The following ESPL1 variants were observed in gnomAD, a reference collection of about 807,000 sequenced individuals.
ESPL1 encodes the protein extra spindle pole bodies like 1, separase.
Under a neutral mutation model 217.2 loss-of-function variants are expected in ESPL1, and 50 were observed. The observed-to-expected ratio is 0.23, with a 90% CI of 0.18 to 0.29. The LOEUF is 0.29. ESPL1 is among the 10% of genes least tolerant of loss of function. The pLI is 1.00. For missense variants in ESPL1, 1,834 were observed against 2,603.0 expected (o/e 0.70, Z 6.43); for synonymous variants, 994 against 1,081.3 (o/e 0.92, Z 1.58).
intron 6 of ESPL1, 121 bp from the exon 7 acceptor site, chr12:53,274,696 A>T (rs1592480454): frequency 2.7e-6 from 2 of 737,362 alleles, no homozygotes; most frequent in East Asian, 2.7e-5. Flanking sequence ...GTGGCTCAGG[A>T]GGCCCACCTG....
chr12:53,269,731 C>T lies in ESPL1; in HGVS notation c.789C>T (p.Cys263=). Residue 263 remains cysteine, a synonymous_variant, in exon 3 of 31, where the codon TGC becomes TGT. Transcript: ENST00000257934. This position sits in a 1 kb window ranked among gnomAD's most constrained non-coding sequence, Gnocchi z 6.7. The part of the protein sequence containing the change: ...ELTLEHCRRF[C]WSRHHDKAIS... Reference sequence around the variant, plus strand: ...CCTTGGAACACTGCCGTCGCTTTTGCTGGAGCCGCCACCATGACAAAGCCA... The same window carrying T: ...CCTTGGAACACTGCCGTCGCTTTTGTTGGAGCCGCCACCATGACAAAGCCA... 6.2e-7 allele frequency: 1 copy of T among 1,614,178 alleles called. No individual in the cohort carries two copies. Among genetic ancestry groups the T allele is most frequent in the East Asian group, 2.2e-5 (1 of 44,876 alleles).
At chr12:53,275,565 C>G (rs1431953839) in intron 7 of ESPL1, among the ~76,000 whole-genome samples, 1 of 152,164 alleles carries the variant, frequency 6.6e-6, no homozygotes, top group Non-Finnish European at 1.5e-5. Context: ...CTGAAAAATA[C>G]TAATTCCTTC....
intron 1 of ESPL1, 96 bp downstream of exon 1, chr12:53,268,473 G>T (rs915185843): frequency 3.3e-5 from 13 of 398,188 alleles, no homozygotes; most frequent in South Asian, 1.7e-4. Context: ...CTCCTGGAGG[G>T]AGTGTCGGGA....
chr12:53,274,620 T>C (rs773694091), intron 6 of ESPL1, among the ~76,000 whole-genome samples, 197 bp from the exon 7 acceptor site: 2 of 152,086 alleles, frequency 1.3e-5, no homozygotes, highest in Non-Finnish European at 2.9e-5. Flanking sequence ...GTGGAGTGGA[T>C]TGCAGCCTCT....
chr12:53,270,472 A>G lies in ESPL1; in HGVS notation c.1238A>G (p.Gln413Arg), dbSNP rs554204189. ...LYTVVVYDFA[Q>R]GCQIVDLADL... The stretch of plus-strand genomic sequence containing the variant: ...ACTGTGGTGGTTTATGACTTTGCCC[A>G]AGGCTGTCAGGTACTGTCTGGGAAT... The change falls in exon 4 of 31, where the codon CAA becomes CGA. Residue 413 changes from glutamine (Q) to arginine (R), a missense_variant. Transcript: ENST00000257934. The G allele has an allele frequency of 1.2e-6, 2 of 1,612,714 alleles. No individual in the cohort carries two copies. The highest frequency in any genetic ancestry group is 1.3e-5 in the African/African-American group (1 of 74,886).
In ESPL1 at chr12:53,292,128, T is replaced by C; in HGVS notation, c.5796+40T>C. The stretch of plus-strand genomic sequence containing the variant: ...GTAGTGTCTGGGGATGACTGGCGAC[T>C]GGGGAAGACGTCAACAAAGAAGGGC... On this transcript the variant is annotated intron_variant, in intron 27 of 30. Transcript: ENST00000257934. This position sits in a 1 kb window ranked among gnomAD's most constrained non-coding sequence, Gnocchi z 4.5. 1 of 1,533,650 alleles carries C rather than the reference T, an allele frequency of 6.5e-7. No individual in the cohort carries two copies. Among genetic ancestry groups the C allele is most frequent in the Non-Finnish European group, 9.0e-7 (1 of 1,106,716 alleles).
chr12:53,282,819 A>G lies in ESPL1; in HGVS notation c.2792-310A>G, dbSNP rs1943887219. On this transcript the variant is annotated intron_variant, in intron 14 of 30. Transcript: ENST00000257934. This position sits in a 1 kb window ranked among gnomAD's most constrained non-coding sequence, Gnocchi z 4.0. Reference sequence around the variant, plus strand: ...CTGGCATGCGCCACTACGCCCGACTAATTTTTGTATTATTAGTAGAGGTGG... The same window carrying G: ...CTGGCATGCGCCACTACGCCCGACTGATTTTTGTATTATTAGTAGAGGTGG... Among the ~76,000 whole-genome samples, 1 of 152,082 alleles carries G rather than the reference A, an allele frequency of 6.6e-6. No individual in the cohort carries two copies. Among genetic ancestry groups the G allele is most frequent in the African/African-American group, 2.4e-5 (1 of 41,400 alleles).
chr12:53,287,719 C>T, intron 18 of ESPL1: 1 of 384,950 alleles, frequency 2.6e-6, no homozygotes. Context: ...CAGACAGAGA[C>T]ATTTTCCTTA....
chr12:53,270,139 A>G (rs1943643627), intron 3 of ESPL1, 54 bp downstream of exon 3: 4 of 1,454,208 alleles, frequency 2.8e-6, no homozygotes, highest in Non-Finnish European at 3.8e-6. Context: ...ACTCACTACC[A>G]GCCTAGGGTA....
intron 23 of ESPL1, 47 bp from the exon 24 acceptor site, chr12:53,290,300 G>A (rs1411474399): frequency 6.2e-7 from 1 of 1,610,432 alleles, no homozygotes; most frequent in Admixed American, 1.7e-5. Context: ...AGGGAGAGAT[G>A]GTGATCACGT....
Position 53,276,804 on chromosome 12 carries a change from C to T in ESPL1, c.1885C>T (p.Leu629=), listed in dbSNP as rs1460515904. ...CGGGGCCTGGGCACGAGCCACCCAC[C>T]TGGTAGAACTGGCTCAGGTGCTCTG... ...PAGAWARATH[L]VELAQVLCYH... is the part of the protein sequence containing the mutation. Residue 629 remains leucine (L), a synonymous_variant, in exon 8 of 31, where the codon CTG becomes TTG. Transcript: ENST00000257934. The T allele has an allele frequency of 6.2e-7, 1 of 1,613,940 alleles. No homozygotes were observed. The highest frequency in any genetic ancestry group is 2.2e-5 in the East Asian group (1 of 44,892).
At chr12:53,277,765 A>G (rs2272313) in intron 10 of ESPL1, 56 bp from the exon 11 acceptor site, 1,020,673 of 1,596,634 alleles carry the variant, frequency 0.64, 329,668 homozygotes, top group East Asian at 0.81. Context: ...GAGGAAGGGA[A>G]GTTCTCTCCA....
chr12:53,280,359 C>A (rs938074868), intron 12 of ESPL1, among the ~76,000 whole-genome samples: 2 of 152,038 alleles, frequency 1.3e-5, no homozygotes, highest in African/African-American at 2.4e-5. Context: ...CACAAAATAT[C>A]TCACTCTTAC....
Position 53,276,788 on chromosome 12 carries a change from G to C in ESPL1, c.1869G>C (p.Trp623Cys). Residue 623 changes from tryptophan to cysteine, a missense_variant, in exon 8 of 31, where the codon TGG becomes TGC. Around this residue, in one of 5 missense-constraint regions of ESPL1, gnomAD observed 746 missense variants for 1,077.0 expected, o/e 0.69. Transcript: ENST00000257934. ...LSPEETPAGA[W>C]ARATHLVELA... ...CCGAGGAGACACCAGCCGGGGCCTG[G>C]GCACGAGCCACCCACCTGGTAGAAC... The C allele has an allele frequency of 6.2e-7, 1 of 1,613,928 alleles. No homozygotes were observed. Among genetic ancestry groups the C allele is most frequent in the Non-Finnish European group, 8.5e-7 (1 of 1,180,030 alleles).
At chr12:53,270,650 C>G (rs367983712) in intron 4 of ESPL1, 28 bp from the exon 5 acceptor site, 1 of 1,613,914 alleles carries the variant, frequency 6.2e-7, no homozygotes, top group Non-Finnish European at 8.5e-7. Context: ...CATGACTCCT[C>G]ACTCTCAAAC....
intron 3 of ESPL1, 104 bp from the exon 4 acceptor site, chr12:53,270,274 G>C (rs1377878207): frequency 1.0e-6 from 1 of 995,968 alleles, no homozygotes; most frequent in Non-Finnish European, 1.6e-6. Flanking sequence ...GTCCTTCCTC[G>C]TGCTCCCTGG....
Position 53,289,488 on chromosome 12 carries a change from C to G in ESPL1, c.5007C>G (p.Pro1669=). 6.8e-6 allele frequency: 11 copies of G among 1,614,204 alleles called. No individual in the cohort carries two copies. The highest frequency in any genetic ancestry group is 9.3e-6 in the Non-Finnish European group (11 of 1,180,030). The change falls in exon 22 of 31, where the codon CCC becomes CCG. Residue 1669 remains proline, a synonymous_variant. Transcript: ENST00000257934. Reference sequence around the variant, plus strand: ...TTCAGGAGATGCCTGGAGATGTCCCCCTGGCCCGCATCCAGCGCCTCTTTT... The same window carrying G: ...TTCAGGAGATGCCTGGAGATGTCCCGCTGGCCCGCATCCAGCGCCTCTTTT... ...LSLQEMPGDV[P]LARIQRLFSF... is the part of the protein sequence containing the mutation.
chr12:53,284,483 T>C (rs1392210145), intron 17 of ESPL1, among the ~76,000 whole-genome samples: 2 of 151,450 alleles, frequency 1.3e-5, no homozygotes, highest in African/African-American at 2.4e-5. Flanking sequence ...CTCGAACTCC[T>C]GACCTCAGGT....
chr12:53,277,880 C>T lies in ESPL1; in HGVS notation c.2284C>T (p.Gln762Ter). Residue 762 changes from glutamine to a stop codon, truncating the protein, a stop_gained, in exon 11 of 31, where the codon CAG (glutamine) becomes TAG (stop). Transcript: ENST00000257934. LOFTEE classifies it high-confidence loss of function. The stretch of plus-strand genomic sequence containing the variant: ...GTGGAAGGAGCTGCTTACAAAGGGG[C>T]AGGCCCCAGCTGTACGGTGTCTCCA... The part of the protein sequence containing the change: ...ALWKELLTKG[Q>*]APAVRCLQQT... The T allele has an allele frequency of 6.2e-7, 1 of 1,614,184 alleles. No homozygotes were observed. Among genetic ancestry groups the T allele is most frequent in the Non-Finnish European group, 8.5e-7 (1 of 1,180,014 alleles).
Sources: allele counts gnomAD v4.1 joint callset (sites outside exome capture counted in the v4.1 genomes callset), GRCh38; gene constraint gnomAD v4.1.1; regional missense constraint gnomAD v4.1.1; non-coding constraint Gnocchi (gnomAD v3.1); transcripts MANE v1.5; gene names NCBI Gene and HGNC (gene_info 2026-07-23, HGNC 2026-07-21).